Variants in ARHGAP6 observed in about 807,000 individuals in gnomAD.
The protein encoded by ARHGAP6 is Rho GTPase activating protein 6, also known as rho GTPase-activating protein 6.
ARHGAP6 carries 16 observed loss-of-function variants against 55.7 expected under a neutral mutation model. That is an observed-to-expected ratio of 0.29 (90% CI 0.19 to 0.44). The LOEUF is 0.44. Among genes scored for constraint, ARHGAP6 ranks in the 20% least tolerant of loss-of-function variants. ARHGAP6 has a pLI of 1.00. For missense variants in ARHGAP6, 698 were observed against 808.9 expected, an observed-to-expected ratio of 0.86 and a Z score of 1.66; for synonymous variants, 382 against 360.9, an observed-to-expected ratio of 1.06 and a Z score of -0.66.
chrX:11,458,224 C>T (rs1188640693), intron 1 of ARHGAP6, among the ~76,000 whole-genome samples: 2 of 112,429 alleles, frequency 1.8e-5, no homozygotes, highest in African/African-American at 6.5e-5. Context: ...TGCAGCTGAA[C>T]CTCCTGCCAT....
chrX:11,317,354 T>C (rs1377564998), intron 1 of ARHGAP6, among the ~76,000 whole-genome samples: 1 of 111,964 alleles, frequency 8.9e-6, no homozygotes, highest in African/African-American at 3.2e-5. Flanking sequence ...ACCAAAAATG[T>C]TTCCCGACTT....
At chrX:11,610,730 A>G (rs1184405004) in intron 1 of ARHGAP6, among the ~76,000 whole-genome samples, 1 of 112,269 alleles carries the variant, frequency 8.9e-6, no homozygotes, top group Non-Finnish European at 1.9e-5. Flanking sequence ...GTATTTTCAC[A>G]GGGTTGTGCC....
intron 1 of ARHGAP6, among the ~76,000 whole-genome samples, chrX:11,362,878 T>C (rs5935036): frequency 0.046 from 5,088 of 111,042 alleles, 130 homozygotes; most frequent in African/African-American, 0.098. Flanking sequence ...GTCACATAGA[T>C]AAAATTTGCC....
At chrX:11,411,224 A>ATATAT (rs2049683149) in intron 1 of ARHGAP6, among the ~76,000 whole-genome samples, 9 of 44,901 alleles carry the variant, frequency 2.0e-4, no homozygotes, top group East Asian at 4.1e-3. Context: ...TATATATATA[A>ATATAT]AATATACAAA....
At chrX:11,139,904 T>C (rs1432291368) in intron 12 of ARHGAP6, among the ~76,000 whole-genome samples, 1 of 112,061 alleles carries the variant, frequency 8.9e-6, no homozygotes, top group Non-Finnish European at 1.9e-5. Context: ...TTCAATGCAA[T>C]CTGTAATCCA....
At chrX:11,427,766 G>A (rs1280173979) in intron 1 of ARHGAP6, 6 of 764,926 alleles carry the variant, frequency 7.8e-6, no homozygotes, top group Admixed American at 1.7e-4. Flanking sequence ...CTGCCGCTGC[G>A]GAGCCGGTGG....
chrX:11,404,802 G>C (rs2049591434), intron 1 of ARHGAP6, among the ~76,000 whole-genome samples: 1 of 112,053 alleles, frequency 8.9e-6, no homozygotes, highest in African/African-American at 3.2e-5. Flanking sequence ...AGTAATTCTA[G>C]ATAAGCACAC....
chrX:11,499,732 T>C (rs913153976), intron 1 of ARHGAP6, among the ~76,000 whole-genome samples: 1 of 112,331 alleles, frequency 8.9e-6, no homozygotes, highest in Non-Finnish European at 1.9e-5. Context: ...TCATCCTTAC[T>C]GCCTGAAGGG....
chrX:11,610,189 C>A lies in ARHGAP6; in HGVS notation c.588+54052G>T, dbSNP rs186822300. On this transcript the variant is annotated intron_variant, in intron 1 of 12. Coordinates refer to ENST00000337414, the MANE Select transcript of ARHGAP6 (RefSeq NM_013427.3). ...GACCAGATTGGTGTAAAGACAAATACATTAGTATTATACATTAAAACTTTT... is the reference window on the plus strand; with the variant it reads ...GACCAGATTGGTGTAAAGACAAATAAATTAGTATTATACATTAAAACTTTT... 5.5e-5 allele frequency among the ~76,000 whole-genome samples: 6 copies of A among 108,587 alleles called. No individual in the cohort carries two copies. The East Asian group carries it at 1.7e-3, about 31-fold the overall frequency. 94.3% of individuals were successfully genotyped at this position (108,587 alleles called of 115,157 possible). A position where few individuals can be genotyped will look rare whatever the true frequency, so the allele number is the denominator to read the frequency against.
rs191932268 is a variant in ARHGAP6, at chrX:11,159,561, G to T, written c.1810-2935C>A. 4.3e-3 allele frequency among the ~76,000 whole-genome samples: 483 copies of T among 111,368 alleles called. 1 individual carries two copies. Among genetic ancestry groups the T allele is most frequent in the Middle Eastern group, 0.014 (3 of 219 alleles). ...GGGCCTAGGCAACTAGAAAGATGGA[G>T]TTGCTGTTGACTGGTTTGGAGAAGC... On this transcript the variant is annotated intron_variant, in intron 9 of 12. Transcript: ENST00000337414.
rs182418644 is a variant in ARHGAP6 at position 11,302,558 on chromosome X, T to C, written c.589-47851A>G. On this transcript the variant is annotated intron_variant, in intron 1 of 12. Transcript: ENST00000337414. ...AGTTCAGAAGATATTTACATTCTTT[T>C]CTATTTTGTGGTTCAAACTAATAGT... Among the ~76,000 whole-genome samples, 665 of 111,572 alleles carry C rather than the reference T, an allele frequency of 6.0e-3. 15 individuals are homozygous for C. The Admixed American group carries it at 0.06, about 10-fold the overall frequency.
rs1266275042 is a variant in ARHGAP6, at chrX:11,536,506, A to G, written c.588+127735T>C. ...CTCTGTCTCACACCTCCGCTCCTCT[A>G]CTTTTATTCTCCAAATAAACTCCTT... On this transcript the variant is annotated intron_variant, in intron 1 of 12. Transcript: ENST00000337414. Among the ~76,000 whole-genome samples the G allele has an allele frequency of 2.9e-4, 33 of 111,938 alleles. No homozygotes were observed. The Admixed American group carries it at 3.1e-3, about 11-fold the overall frequency.
intron 1 of ARHGAP6, among the ~76,000 whole-genome samples, chrX:11,639,258 A>G (rs2052448667): frequency 9.0e-6 from 1 of 111,310 alleles, no homozygotes; most frequent in Non-Finnish European, 1.9e-5. Flanking sequence ...ACATGTGCAC[A>G]ATGTGCAGGT....
intron 1 of ARHGAP6, among the ~76,000 whole-genome samples, chrX:11,492,932 C>T (rs2050585543): frequency 9.0e-6 from 1 of 111,531 alleles, no homozygotes; most frequent in African/African-American, 3.3e-5. Flanking sequence ...TACTCAGTTT[C>T]ACTCCTTACC....
chrX:11,433,015 A>C (rs1421151920), intron 1 of ARHGAP6, among the ~76,000 whole-genome samples: 1 of 112,589 alleles, frequency 8.9e-6, no homozygotes, highest in Non-Finnish European at 1.9e-5. Context: ...AGATAGAAGA[A>C]ATCTAAGGAA....
chrX:11,148,921 G>C (rs1421970905), intron 10 of ARHGAP6, among the ~76,000 whole-genome samples: 1 of 112,275 alleles, frequency 8.9e-6, no homozygotes, highest in Admixed American at 9.4e-5. Context: ...AATGGTACTG[G>C]GAAAGGAATC....
At chrX:11,152,927 G>A in intron 10 of ARHGAP6, among the ~76,000 whole-genome samples, 1 of 111,907 alleles carries the variant, frequency 8.9e-6, no homozygotes, top group African/African-American at 3.3e-5. Flanking sequence ...GGTGGCCCAG[G>A]CATAGTTGTT....
intron 1 of ARHGAP6, among the ~76,000 whole-genome samples, chrX:11,566,246 C>T (rs1182927157): frequency 1.8e-5 from 2 of 112,078 alleles, no homozygotes; most frequent in Non-Finnish European, 3.8e-5. Flanking sequence ...GAAAATGCTG[C>T]TTTCATGTCT....
At chrX:11,317,883 T>C (rs1345753545) in intron 1 of ARHGAP6, among the ~76,000 whole-genome samples, 1 of 111,970 alleles carries the variant, frequency 8.9e-6, no homozygotes, top group Admixed American at 9.5e-5. Flanking sequence ...CTAAAACCAA[T>C]GTCTATGTTT....
Sources: allele counts gnomAD v4.1 joint callset (sites outside exome capture counted in the v4.1 genomes callset), GRCh38; gene constraint gnomAD v4.1.1; transcripts MANE v1.5; gene names NCBI Gene and HGNC (gene_info 2026-07-23, HGNC 2026-07-21).